Variants in RRP12 observed in about 807,000 individuals in gnomAD.
RRP12 encodes ribosomal RNA processing 12 homolog, also known as RRP12-like protein.
A neutral mutation model predicts 157.3 loss-of-function variants in RRP12; 78 were observed. That is an observed-to-expected ratio of 0.50 (90% confidence interval 0.41 to 0.60). The LOEUF (loss-of-function observed/expected upper bound fraction) is 0.60, where lower values mean the gene tolerates loss of function less well. Ranked by LOEUF, RRP12 falls within the 20% of genes least tolerant of loss-of-function variation. RRP12 has a pLI of 0.00. For synonymous variants in RRP12, 726 were observed against 670.9 expected (o/e 1.08, Z -1.27); for missense variants, 1,521 against 1,679.9 (o/e 0.91, Z 1.65).
At chr10:97,374,360 CCATGTTG>C (rs2133054948) in intron 15 of RRP12, among the ~76,000 whole-genome samples, 1 of 152,234 alleles carries the variant, frequency 6.6e-6, no homozygotes, top group South Asian at 2.1e-4. Context: ...TAGGGTTTCA[CCATGTTG>C]CCCAGACTGG....
chr10:97,370,596 A>G (rs1384453149), intron 22 of RRP12, 36 bp from the exon 23 acceptor site: 2 of 1,591,674 alleles, frequency 1.3e-6, no homozygotes, highest in South Asian at 2.2e-5. Context: ...CTGCTCCCTG[A>G]GCCATCTGCC....
Position 97,368,654 on chromosome 10 carries a change from G to A in RRP12, c.2955+771C>T, listed in dbSNP as rs558207749. 3.6e-4 allele frequency among the ~76,000 whole-genome samples: 55 copies of A among 152,296 alleles called. No homozygotes were observed. In the South Asian group the frequency reaches 6.4e-3, roughly 18 times the overall value. ...GTTACAGGTGTGAGCCACTGCAGCC[G>A]GCCAGGGCTTGTATAAATTCGAATA... is the stretch of plus-strand genomic sequence containing the variant. On this transcript the variant is annotated intron_variant, in intron 25 of 33. Transcript: ENST00000370992.
chr10:97,366,927 G>A lies in RRP12; in HGVS notation c.3048-18C>T. 6.2e-7 allele frequency: 1 copy of A among 1,610,960 alleles called. No individual in the cohort carries two copies. The highest frequency in any genetic ancestry group is 2.2e-5 in the East Asian group (1 of 44,792). On this transcript the variant is annotated intron_variant, in intron 26 of 33. Coordinates refer to ENST00000370992, the MANE Select transcript of RRP12 (RefSeq NM_015179.4). Reference sequence around the variant, plus strand: ...GCTCAAATCTGGAGGTGGCAAGGAAGGGCTGGTGAGAGGCACTGGCCAGAC... The same window carrying A: ...GCTCAAATCTGGAGGTGGCAAGGAAAGGCTGGTGAGAGGCACTGGCCAGAC...
intron 17 of RRP12, 125 bp from the exon 18 acceptor site, chr10:97,373,325 G>C: frequency 8.9e-7 from 1 of 1,121,166 alleles, no homozygotes; most frequent in Non-Finnish European, 1.3e-6. Context: ...CATGGGTTTG[G>C]GGCTCTCTGT....
intron 15 of RRP12, among the ~76,000 whole-genome samples, chr10:97,377,215 C>CA (rs890132728): frequency 6.6e-6 from 1 of 151,556 alleles, no homozygotes; most frequent in Non-Finnish European, 1.5e-5. Flanking sequence ...ATAACTCTGT[C>CA]ATTAAAAAGT....
intron 13 of RRP12, 24 bp downstream of exon 13, chr10:97,380,775 T>C (rs1259185308): frequency 1.7e-5 from 26 of 1,567,306 alleles, no homozygotes; most frequent in Non-Finnish European, 2.2e-5. Flanking sequence ...CTTCCTGCCC[T>C]GGCCCCAGCC....
At chr10:97,393,613 GTTTCTCC>G in intron 4 of RRP12, 64 bp downstream of exon 4, 1 of 1,170,122 alleles carries the variant, frequency 8.5e-7, no homozygotes. Flanking sequence ...CCCTGATCCT[GTTTCTCC>G]TGTCCACATT....
At chr10:97,360,890 C>T (rs1484856231) in intron 30 of RRP12, among the ~76,000 whole-genome samples, 1 of 152,214 alleles carries the variant, frequency 6.6e-6, no homozygotes, top group Non-Finnish European at 1.5e-5. Context: ...CCACTCTGGG[C>T]CCCACCCAGG....
At chr10:97,381,153 C>A (rs752740833) in intron 12 of RRP12, among the ~76,000 whole-genome samples, 2 of 152,204 alleles carry the variant, frequency 1.3e-5, no homozygotes, top group Admixed American at 6.5e-5. Context: ...TCTGACCCAA[C>A]TTCAGATGGG....
chr10:97,379,783 T>A lies in RRP12; in HGVS notation c.1534-13A>T. ...GGGACTGGAGGCACTGCAGCAGAGA[T>A]GAGTGACCACACATCAAGACATGCT... On this transcript the variant is annotated splice_polypyrimidine_tract_variant and intron_variant, in intron 13 of 33. Transcript: ENST00000370992. 1 of 1,595,742 alleles carries A rather than the reference T, an allele frequency of 6.3e-7. No individual in the cohort carries two copies.
chr10:97,378,852 C>T (rs538731933), intron 15 of RRP12, among the ~76,000 whole-genome samples: 1 of 150,026 alleles, frequency 6.7e-6, no homozygotes, highest in African/African-American at 2.5e-5. Context: ...AGCAAAACTC[C>T]GTCTCAAAAA....
intron 15 of RRP12, among the ~76,000 whole-genome samples, chr10:97,374,600 G>A (rs967344247): frequency 5.5e-4 from 83 of 151,812 alleles, no homozygotes; most frequent in African/African-American, 1.8e-3. Context: ...GTGAAACCCC[G>A]TCTCTACTAA....
chr10:97,393,256 A>G, intron 4 of RRP12: 1 of 455,800 alleles, frequency 2.2e-6, no homozygotes, highest in South Asian at 1.6e-5. Context: ...CTCCTCAATA[A>G]GGAAAGCACA....
intron 25 of RRP12, 126 bp from the exon 26 acceptor site, chr10:97,367,258 T>C: frequency 1.3e-6 from 1 of 758,160 alleles, no homozygotes; most frequent in South Asian, 1.7e-5. Context: ...GCGGCCCTGC[T>C]CCTGGCCCAC....
At chr10:97,378,786 G>A (rs1388556854) in intron 15 of RRP12, among the ~76,000 whole-genome samples, 1 of 152,180 alleles carries the variant, frequency 6.6e-6, no homozygotes, top group Non-Finnish European at 1.5e-5. Flanking sequence ...GAACCCGGAA[G>A]GCGGAGGTTG....
intron 20 of RRP12, 87 bp downstream of exon 20, chr10:97,371,986 A>T: frequency 1.1e-6 from 1 of 870,306 alleles, no homozygotes; most frequent in Non-Finnish European, 1.8e-6. Context: ...GCAGCAAGGG[A>T]CAAAGACATG....
In RRP12 at chr10:97,396,265, G is replaced by A. The variant is rs1196244979; in HGVS notation, c.406C>T (p.Arg136Cys). Residue 136 changes from arginine (R) to cysteine (C), a missense_variant, in exon 3 of 34, where the codon CGC becomes TGC. Transcript: ENST00000370992. ...AVLAAVTEVI[R>C]SQGGKETETE... is the part of the protein sequence containing the mutation. ...TCCGTCTCCTTCCCTCCCTGGGAGC[G>A]AATCACCTCAGTGACAGCAGCCAGA... 6.2e-6 allele frequency: 10 copies of A among 1,613,894 alleles called. No homozygotes were observed. Among genetic ancestry groups the A allele is most frequent in the East Asian group, 4.5e-5 (2 of 44,868 alleles).
Position 97,393,765 on chromosome 10 carries a change from G to T in RRP12, c.454-5C>A, listed in dbSNP as rs775763453. 2.2e-5 allele frequency: 36 copies of T among 1,613,400 alleles called. No individual in the cohort carries two copies. The highest frequency in any genetic ancestry group is 2.7e-5 in the Non-Finnish European group (32 of 1,179,654). On this transcript the variant is annotated splice_polypyrimidine_tract_variant and splice_region_variant and intron_variant, in intron 3 of 33. Coordinates refer to ENST00000370992, the MANE Select transcript of RRP12 (RefSeq NM_015179.4). The stretch of plus-strand genomic sequence containing the variant: ...CACTGCTTCCATTGTTGTCATCTGA[G>T]GGCCAGATTGAGGGGGTTTGAATGG...
At chr10:97,380,113 T>C (rs906707250) in intron 13 of RRP12, among the ~76,000 whole-genome samples, 1 of 152,220 alleles carries the variant, frequency 6.6e-6, no homozygotes, top group Non-Finnish European at 1.5e-5. Context: ...CTGGGTTCAC[T>C]ATGGCCACAG....
Sources: allele counts gnomAD v4.1 joint callset (sites outside exome capture counted in the v4.1 genomes callset), GRCh38; gene constraint gnomAD v4.1.1; transcripts MANE v1.5; gene names NCBI Gene and HGNC (gene_info 2026-07-23, HGNC 2026-07-21).